SPATA6L: variants seen among roughly 807,000 people sequenced by gnomAD.
SPATA6L encodes the protein spermatogenesis associated 6 like.
A neutral mutation model predicts 49.2 loss-of-function variants in SPATA6L; 68 were observed. That is an observed-to-expected ratio of 1.38 (90% CI 1.14 to 1.69). The LOEUF is 1.69. Ranked by LOEUF, SPATA6L falls within the 40% of genes most tolerant of loss-of-function variation. The pLI, the probability that SPATA6L is intolerant of heterozygous loss-of-function variation, is 0.00. For missense variants in SPATA6L, 668 were observed against 464.3 expected (o/e 1.44, Z -4.03); for synonymous variants, 198 against 165.7 (o/e 1.19, Z -1.50).
At position 4,614,414 on chromosome 9, in the gene SPATA6L, G is replaced by A. The variant is rs116587871; in HGVS notation, c.995+3509C>T. Among the ~76,000 whole-genome samples, 888 of 152,284 alleles carry A rather than the reference G, an allele frequency of 5.8e-3. 12 individuals are homozygous for A. Among genetic ancestry groups the A allele is most frequent in the African/African-American group, 0.02 (843 of 41,554 alleles). On this transcript the variant is annotated intron_variant, in intron 9 of 11. Transcript: ENST00000682582. ...AACAGGGATTCTCATGCACCCTTGTGAACTGGACACAGAGAAAGAGTGGTC... is the reference window on the plus strand; with the variant it reads ...AACAGGGATTCTCATGCACCCTTGTAAACTGGACACAGAGAAAGAGTGGTC...
intron 13 of SPATA6L, among the ~76,000 whole-genome samples, chr9:4,591,777 G>T (rs993521752): frequency 6.6e-6 from 1 of 152,194 alleles, no homozygotes; most frequent in African/African-American, 2.4e-5. Context: ...GGCCGACTCA[G>T]CCTGCAAGGA....
At chr9:4,647,367 G>A (rs150587901) in intron 3 of SPATA6L, among the ~76,000 whole-genome samples, 2,247 of 152,196 alleles carry the variant, frequency 0.015, 60 homozygotes, top group African/African-American at 0.052. Context: ...CGAGGTGAGC[G>A]GATCACCTGA....
intron 9 of SPATA6L, among the ~76,000 whole-genome samples, chr9:4,610,042 C>G (rs1043141938): frequency 4.6e-5 from 7 of 151,896 alleles, no homozygotes; most frequent in African/African-American, 1.7e-4. Flanking sequence ...AACTCCCATT[C>G]ACAATTGCTT....
At position 4,629,755 on chromosome 9, in the gene SPATA6L, A is replaced by ATATGTGTG. The variant is rs1554721565; in HGVS notation, c.352-588_352-587insCACACATA. Among the ~76,000 whole-genome samples, 349 of 125,248 alleles carry ATATGTGTG rather than the reference A, an allele frequency of 2.8e-3. 2 individuals are homozygous for ATATGTGTG. The highest frequency in any genetic ancestry group is 6.6e-3 in the Admixed American group (74 of 11,270). The allele number at this position is 125,248 out of a possible 152,430, so 82.2% of individuals were successfully genotyped here. On this transcript the variant is annotated intron_variant, in intron 4 of 11. Coordinates refer to ENST00000682582, the MANE Select transcript of SPATA6L (RefSeq NM_001353486.2). The stretch of plus-strand genomic sequence containing the variant: ...CTGTCTAAAATATTGTGTTTTATAT[A>ATATGTGTG]TGTGTGTGTGTGTGTATATATATAT...
At chr9:4,666,184 A>T (rs1487595409) in intron 1 of SPATA6L, 28 bp downstream of exon 1, 4 of 1,613,134 alleles carry the variant, frequency 2.5e-6, no homozygotes, top group Non-Finnish European at 3.4e-6. Context: ...ACTTGAGGTT[A>T]AGGAGGGGGA....
intron 3 of SPATA6L, among the ~76,000 whole-genome samples, chr9:4,636,922 C>T (rs1215519982): frequency 6.6e-6 from 1 of 152,198 alleles, no homozygotes; most frequent in Non-Finnish European, 1.5e-5. Context: ...TGCATTACTG[C>T]CATGGCTGTA....
Position 4,634,798 on chromosome 9 carries a change from C to T in SPATA6L, c.351+477G>A, listed in dbSNP as rs546055949. On this transcript the variant is annotated intron_variant, in intron 4 of 11. Transcript: ENST00000682582. ...TAAATTATCAACGGAATATCTGCTA[C>T]ATCCTTCAAGATCCTTCAGTAATAT... Among the ~76,000 whole-genome samples, 70 of 152,284 alleles carry T rather than the reference C, an allele frequency of 4.6e-4. 3 individuals carry two copies. In the South Asian group the frequency reaches 0.014, roughly 30 times the overall value.
intron 11 of SPATA6L, among the ~76,000 whole-genome samples, chr9:4,602,117 T>C (rs180734236): frequency 1.2e-4 from 18 of 151,138 alleles, no homozygotes; most frequent in African/African-American, 4.2e-4. Context: ...GTGGGAAACC[T>C]ATTTTCCAAG....
chr9:4,666,183 T>C, intron 1 of SPATA6L, 29 bp downstream of exon 1: 1 of 1,613,180 alleles, frequency 6.2e-7, no homozygotes, highest in East Asian at 2.2e-5. Flanking sequence ...GACTTGAGGT[T>C]AAGGAGGGGG....
intron 4 of SPATA6L, among the ~76,000 whole-genome samples, chr9:4,632,704 T>A (rs992752945): frequency 6.6e-6 from 1 of 152,168 alleles, no homozygotes; most frequent in Admixed American, 6.5e-5. Context: ...TTAAGAGCTG[T>A]TGGAAACAAA....
intron 4 of SPATA6L, 34 bp downstream of exon 4, chr9:4,635,241 C>G (rs755865086): frequency 1.3e-6 from 2 of 1,484,298 alleles, no homozygotes; most frequent in Admixed American, 2.8e-5. Flanking sequence ...AGTTTCTCTC[C>G]TAATAGAAGC....
intron 2 of SPATA6L, among the ~76,000 whole-genome samples, chr9:4,660,201 G>C (rs1839282574): frequency 6.6e-6 from 1 of 152,152 alleles, no homozygotes; most frequent in South Asian, 2.1e-4. Flanking sequence ...AAACTAAAGA[G>C]CTTCTGCACA....
At chr9:4,663,335 A>G in intron 1 of SPATA6L, 1 of 1,488,554 alleles carries the variant, frequency 6.7e-7, no homozygotes, top group South Asian at 1.3e-5. Flanking sequence ...CTAAACCAGC[A>G]GCCATCCCGC....
intron 2 of SPATA6L, among the ~76,000 whole-genome samples, chr9:4,658,911 C>A (rs1243968645): frequency 7.0e-6 from 1 of 143,508 alleles, no homozygotes; most frequent in Admixed American, 7.2e-5. Context: ...GGTCTTGCCA[C>A]TGCACTCCAG....
chr9:4,589,418 C>T (rs942014061), intron 13 of SPATA6L, among the ~76,000 whole-genome samples: 18 of 152,192 alleles, frequency 1.2e-4, no homozygotes, highest in African/African-American at 3.9e-4. Flanking sequence ...GAAGCTCCTA[C>T]CACGTGGTGC....
At chr9:4,622,647 C>A in intron 6 of SPATA6L, 137 bp from the exon 7 acceptor site, 1 of 603,982 alleles carries the variant, frequency 1.7e-6, no homozygotes, top group Non-Finnish European at 2.9e-6. Context: ...CCACCTAGAG[C>A]ACAGTCTGCA....
rs1056904660 is a variant in SPATA6L at position 4,598,722 on chromosome 9, C to G, written c.*2089G>C. On this transcript the variant is annotated 3_prime_UTR_variant, in exon 12 of 12. Transcript: ENST00000682582. The stretch of plus-strand genomic sequence containing the variant: ...AGTGCTGCTTTCCTTTAGCTGCTTA[C>G]GTAAGCAGCCCTCTCCTGAGACTTA... 6.6e-6 allele frequency among the ~76,000 whole-genome samples: 1 copy of G among 152,192 alleles called. No individual in the cohort carries two copies. Among genetic ancestry groups the G allele is most frequent in the African/African-American group, 2.4e-5 (1 of 41,440 alleles).
rs762420149 is a variant in SPATA6L at position 4,656,075 on chromosome 9, T to A, written c.192A>T (p.Ala64=). Residue 64 remains alanine (A), a synonymous_variant, in exon 3 of 12, where the codon GCA becomes GCT. Coordinates refer to ENST00000682582, the MANE Select transcript of SPATA6L (RefSeq NM_001353486.2). ...GGTCTACTACAGCTCCAGGATCTAC[T>A]GCACTTTCAAATACCTGCAGAGAAA... ...SMRFEKVFES[A]VDPGAVVDLL... The A allele has an allele frequency of 1.9e-6, 3 of 1,613,006 alleles. No individual in the cohort carries two copies. The highest frequency in any genetic ancestry group is 1.7e-6 in the Non-Finnish European group (2 of 1,179,458).
Position 4,622,466 on chromosome 9 carries a change from A to T in SPATA6L, c.714T>A (p.His238Gln), listed in dbSNP as rs747711604. 1.8e-5 allele frequency: 29 copies of T among 1,613,762 alleles called. No homozygotes were observed. Among genetic ancestry groups the T allele is most frequent in the Non-Finnish European group, 2.3e-5 (27 of 1,179,954 alleles). The change falls in exon 7 of 12, where the codon CAT becomes CAA. Residue 238 changes from histidine (H) to glutamine (Q), a missense_variant. His to Gln is a conservative substitution (Grantham distance 24). Transcript: ENST00000682582. ...TAGATTTTCTTCTAGACCTCCTCAA[A>T]TGATGCTCTGAAATATTCTCACCAA... ...KPFGENISEH[H>Q]LRRSRRKSKF...
Sources: gnomAD v4.1 joint callset for allele counts (sites outside exome capture counted in the v4.1 genomes callset) on GRCh38, gnomAD v4.1.1 for gene constraint, MANE v1.5 for transcripts, NCBI Gene and HGNC (gene_info 2026-07-23, HGNC 2026-07-21) for gene names.